EDA: variants seen among roughly 807,000 people sequenced by gnomAD.
EDA encodes ectodysplasin A.
A neutral mutation model predicts 23.6 loss-of-function variants in EDA; 2 were observed. The ratio of observed to expected loss-of-function variants is 0.08; its 90% CI spans 0.03 to 0.27. The LOEUF (loss-of-function observed/expected upper bound fraction) is 0.27. Ranked by LOEUF, EDA falls within the 10% of genes least tolerant of loss-of-function variation. The probability of loss-of-function intolerance (pLI) is 1.00; values close to 1 mark genes in which losing one functional copy is unlikely to be tolerated. For synonymous variants in EDA, 131 were observed against 132.0 expected, an observed-to-expected ratio of 0.99 and a Z score of 0.05; for missense variants, 229 against 324.2, an observed-to-expected ratio of 0.71 and a Z score of 2.26.
chrX:69,658,212 T>TTTTGTGTG (rs796336405), intron 1 of EDA, among the ~76,000 whole-genome samples: 2 of 90,894 alleles, frequency 2.2e-5, no homozygotes, highest in African/African-American at 8.4e-5. Context: ...TCCTAGGTAT[T>TTTTGTGTG]TGTGTGTGTG....
intron 1 of EDA, among the ~76,000 whole-genome samples, chrX:69,909,126 T>C (rs1447781413): frequency 3.6e-5 from 4 of 111,728 alleles, no homozygotes; most frequent in Non-Finnish European, 3.8e-5. Flanking sequence ...TATAAAACTT[T>C]TCCCCCCAAA....
At chrX:69,738,532 T>A (rs1252415248) in intron 1 of EDA, among the ~76,000 whole-genome samples, 1 of 107,369 alleles carries the variant, frequency 9.3e-6, no homozygotes, top group Non-Finnish European at 1.9e-5. Flanking sequence ...TCCTTTCTTC[T>A]GCTTGCTTTA....
At chrX:69,671,029 T>C (rs975168223) in intron 1 of EDA, among the ~76,000 whole-genome samples, 10 of 111,626 alleles carry the variant, frequency 9.0e-5, no homozygotes, top group Non-Finnish European at 1.9e-4. Flanking sequence ...TGTGCATCAG[T>C]TGGTGTAGTC....
intron 2 of EDA, among the ~76,000 whole-genome samples, chrX:69,975,435 A>G (rs2019303590): frequency 9.0e-6 from 1 of 110,530 alleles, no homozygotes; most frequent in Non-Finnish European, 1.9e-5. Flanking sequence ...GGACATAAAG[A>G]TGGCAACAAT....
chrX:69,676,520 T>TTGTG (rs113231038), intron 1 of EDA, among the ~76,000 whole-genome samples: 89 of 107,640 alleles, frequency 8.3e-4, no homozygotes, highest in African/African-American at 2.8e-3. Context: ...GCACGTGTGC[T>TTGTG]TGTGTGTGTG....
At chrX:69,725,462 T>A (rs1462573051) in intron 1 of EDA, among the ~76,000 whole-genome samples, 1 of 112,417 alleles carries the variant, frequency 8.9e-6, no homozygotes, top group Admixed American at 9.4e-5. Context: ...CTAGACAAAG[T>A]TAGTTCTATT....
intron 1 of EDA, among the ~76,000 whole-genome samples, chrX:69,781,036 G>T (rs574984399): frequency 1.3e-3 from 149 of 111,612 alleles, no homozygotes; most frequent in African/African-American, 4.8e-3. Context: ...ACTTAGCATG[G>T]TGTTTACAAA....
intron 1 of EDA, among the ~76,000 whole-genome samples, chrX:69,688,760 AGAG>A (rs887261204): frequency 8.9e-6 from 1 of 111,745 alleles, no homozygotes; most frequent in Non-Finnish European, 1.9e-5. Context: ...GAGGGATTGA[AGAG>A]GAGGATAATG....
At chrX:70,006,512 A>G (rs1276981355) in intron 2 of EDA, among the ~76,000 whole-genome samples, 1 of 111,872 alleles carries the variant, frequency 8.9e-6, no homozygotes, top group African/African-American at 3.2e-5. Context: ...TGCCATCTGT[A>G]TATCTTCTTT....
intron 1 of EDA, among the ~76,000 whole-genome samples, chrX:69,721,727 G>A (rs187737241): frequency 9.0e-6 from 1 of 111,251 alleles, no homozygotes; most frequent in East Asian, 2.8e-4. Context: ...GTGGAGTATG[G>A]GGATGCAAGA....
chrX:69,689,301 CT>C (rs201309371), intron 1 of EDA, among the ~76,000 whole-genome samples: 1 of 97,337 alleles, frequency 1.0e-5, no homozygotes, highest in Non-Finnish European at 2.0e-5. Flanking sequence ...ATGTGCCATG[CT>C]TTTTTTTTTT....
chrX:69,827,081 A>T (rs1364270255), intron 1 of EDA, among the ~76,000 whole-genome samples: 1 of 111,713 alleles, frequency 9.0e-6, no homozygotes, highest in East Asian at 2.8e-4. Context: ...TGTTAGTCTG[A>T]TGGGCTTCCC....
At chrX:69,804,968 G>T (rs2015780627) in intron 1 of EDA, among the ~76,000 whole-genome samples, 1 of 111,136 alleles carries the variant, frequency 9.0e-6, no homozygotes, top group Admixed American at 9.6e-5. Context: ...GGAAACTGAG[G>T]ATCAGAGGTT....
At chrX:69,978,319 A>T (rs898931824) in intron 2 of EDA, among the ~76,000 whole-genome samples, 2 of 17,606 alleles carry the variant, frequency 1.1e-4, no homozygotes, top group African/African-American at 3.9e-4. Context: ...CTCCATCTCT[A>T]AAAAAAAAAA....
chrX:69,694,849 A>C (rs971619965), intron 1 of EDA, among the ~76,000 whole-genome samples: 19 of 112,347 alleles, frequency 1.7e-4, no homozygotes, highest in African/African-American at 6.1e-4. Context: ...TTATTTGACA[A>C]CACTTTCCAT....
intron 1 of EDA, among the ~76,000 whole-genome samples, chrX:69,618,500 T>C (rs1293741480): frequency 8.9e-6 from 1 of 112,179 alleles, no homozygotes; most frequent in Non-Finnish European, 1.9e-5. Context: ...TTCCTAGAGT[T>C]ATGAAGGGCT....
At chrX:69,826,561 C>T (rs1185241704) in intron 1 of EDA, among the ~76,000 whole-genome samples, 1 of 109,338 alleles carries the variant, frequency 9.1e-6, no homozygotes, top group African/African-American at 3.4e-5. Flanking sequence ...GGTAGATCTT[C>T]CTCCATCCTT....
intron 1 of EDA, among the ~76,000 whole-genome samples, chrX:69,894,249 C>T (rs1290271424): frequency 9.0e-6 from 1 of 110,655 alleles, no homozygotes; most frequent in African/African-American, 3.3e-5. Context: ...ATTTCTGTTC[C>T]GTTGGACTGT....
intron 1 of EDA, among the ~76,000 whole-genome samples, chrX:69,621,868 G>A (rs1043630362): frequency 6.3e-5 from 7 of 110,999 alleles, no homozygotes; most frequent in Non-Finnish European, 1.1e-4. Flanking sequence ...AGCTTTTTGA[G>A]TAGCTGGGAC....
Sources: allele counts gnomAD v4.1 joint callset (sites outside exome capture counted in the v4.1 genomes callset), GRCh38; gene constraint gnomAD v4.1.1; transcripts MANE v1.5; gene names NCBI Gene and HGNC (gene_info 2026-07-23, HGNC 2026-07-21).